Variants in LRRC4C observed in about 807,000 individuals in gnomAD.
The protein encoded by LRRC4C is leucine-rich repeat-containing protein 4C.
Under a neutral mutation model 33.6 loss-of-function variants are expected in LRRC4C, and 5 were observed. The ratio of observed to expected loss-of-function variants is 0.15; its 90% CI spans 0.08 to 0.31. The LOEUF is 0.31. Among genes scored for constraint, LRRC4C ranks in the 10% least tolerant of loss-of-function variants. The probability of loss-of-function intolerance (pLI) is 1.00; values close to 1 mark genes in which losing one functional copy is unlikely to be tolerated. For missense variants in LRRC4C, 560 were observed against 796.7 expected (o/e 0.70, Z 3.58); for synonymous variants, 329 against 302.0 (o/e 1.09, Z -0.93).
intron 2 of LRRC4C, among the ~76,000 whole-genome samples, chr11:40,917,000 T>G (rs1592086644): frequency 6.6e-6 from 1 of 152,248 alleles, no homozygotes; most frequent in African/African-American, 2.4e-5. Context: ...ATAATCATGG[T>G]TTATTTCATA....
At chr11:41,014,675 A>G (rs1034520563) in intron 1 of LRRC4C, among the ~76,000 whole-genome samples, 4 of 152,072 alleles carry the variant, frequency 2.6e-5, no homozygotes, top group East Asian at 3.9e-4. Flanking sequence ...ATCCTTGTTC[A>G]AAAAGGGCTG....
At chr11:40,163,849 T>C (rs1859367218) in intron 5 of LRRC4C, among the ~76,000 whole-genome samples, 1 of 152,220 alleles carries the variant, frequency 6.6e-6, no homozygotes, top group Non-Finnish European at 1.5e-5. Context: ...TAACTTGCTT[T>C]TTTTTGCTTT....
intron 2 of LRRC4C, among the ~76,000 whole-genome samples, chr11:40,806,187 C>A (rs1011768309): frequency 6.6e-6 from 1 of 152,124 alleles, no homozygotes; most frequent in Non-Finnish European, 1.5e-5. Flanking sequence ...AAATTTAGGC[C>A]ACTTGAAGGC....
At chr11:40,953,991 A>G (rs1326388059) in intron 1 of LRRC4C, among the ~76,000 whole-genome samples, 1 of 151,926 alleles carries the variant, frequency 6.6e-6, no homozygotes, top group Admixed American at 6.6e-5. Context: ...CCACACATAC[A>G]TAACTAGATG....
chr11:40,254,886 G>A (rs1867079167), intron 4 of LRRC4C, among the ~76,000 whole-genome samples: 1 of 152,142 alleles, frequency 6.6e-6, no homozygotes, highest in Non-Finnish European at 1.5e-5. Flanking sequence ...ATAGCTCACT[G>A]TAACCTAGAA....
At chr11:41,037,009 T>C (rs1857117806) in intron 1 of LRRC4C, among the ~76,000 whole-genome samples, 1 of 103,048 alleles carries the variant, frequency 9.7e-6, no homozygotes, top group Non-Finnish European at 2.2e-5. Context: ...GCAAATAACC[T>C]GGAGTGGTAC....
intron 3 of LRRC4C, among the ~76,000 whole-genome samples, chr11:40,632,961 C>A (rs996795753): frequency 6.6e-6 from 1 of 152,224 alleles, no homozygotes; most frequent in Admixed American, 6.5e-5. Flanking sequence ...CCAAACTCAG[C>A]TCCTTCTTCC....
rs781190462 is a variant in LRRC4C, at chr11:41,403,395, T to C, written c.-496+56036A>G. Reference sequence around the variant, plus strand: ...TGAAATTCAGATACCTACAGGTCTGTATATATAGACATATATGTTTATTTT... The same window carrying C: ...TGAAATTCAGATACCTACAGGTCTGCATATATAGACATATATGTTTATTTT... On this transcript the variant is annotated intron_variant, in intron 1 of 6. Transcript: ENST00000528697. Among the ~76,000 whole-genome samples the C allele has an allele frequency of 2.2e-4, 34 of 152,120 alleles. 1 individual carries two copies. The highest frequency in any genetic ancestry group is 3.4e-4 in the Non-Finnish European group (23 of 68,018).
At chr11:41,242,272 C>G (rs1261389091) in intron 1 of LRRC4C, among the ~76,000 whole-genome samples, 3 of 151,998 alleles carry the variant, frequency 2.0e-5, no homozygotes, top group Non-Finnish European at 2.9e-5. Flanking sequence ...CAGGGGACAA[C>G]CACGTTTTCA....
chr11:41,161,602 C>A (rs764754299), intron 1 of LRRC4C, among the ~76,000 whole-genome samples: 4 of 152,112 alleles, frequency 2.6e-5, no homozygotes, highest in Non-Finnish European at 5.9e-5. Context: ...TTAGGGTCAC[C>A]TATGAAAAAC....
chr11:41,431,419 T>A (rs1174536791), intron 1 of LRRC4C, among the ~76,000 whole-genome samples: 1 of 151,976 alleles, frequency 6.6e-6, no homozygotes, highest in Middle Eastern at 3.2e-3. Flanking sequence ...GAAGGAGCCA[T>A]ATTCTGAGCC....
At chr11:41,236,934 C>T (rs935355903) in intron 1 of LRRC4C, among the ~76,000 whole-genome samples, 3 of 152,166 alleles carry the variant, frequency 2.0e-5, no homozygotes, top group African/African-American at 4.8e-5. Context: ...TTGTAAAGTG[C>T]CTGAAAGGCA....
At chr11:41,417,578 G>T (rs1186917808) in intron 1 of LRRC4C, among the ~76,000 whole-genome samples, 3 of 151,938 alleles carry the variant, frequency 2.0e-5, no homozygotes, top group African/African-American at 7.2e-5. Flanking sequence ...ATGCAAATCT[G>T]CAGATCAGCA....
chr11:41,425,103 A>G (rs1787911743), intron 1 of LRRC4C, among the ~76,000 whole-genome samples: 1 of 152,080 alleles, frequency 6.6e-6, no homozygotes, highest in Non-Finnish European at 1.5e-5. Flanking sequence ...ATCAAAAGTT[A>G]ACTATTAAAT....
At chr11:41,163,301 T>TTTTTTTC (rs71063903) in intron 1 of LRRC4C, among the ~76,000 whole-genome samples, 1 of 140,594 alleles carries the variant, frequency 7.1e-6, no homozygotes, top group East Asian at 2.1e-4. Context: ...TTTTTTTTTT[T>TTTTTTTC]CAAACAGGGT....
chr11:40,930,685 T>C (rs1957582235), intron 2 of LRRC4C, among the ~76,000 whole-genome samples: 1 of 152,188 alleles, frequency 6.6e-6, no homozygotes, highest in South Asian at 2.1e-4. Flanking sequence ...TTTTAAAATA[T>C]CACTACTTTG....
At chr11:40,842,613 C>T (rs1485637262) in intron 2 of LRRC4C, among the ~76,000 whole-genome samples, 1 of 152,130 alleles carries the variant, frequency 6.6e-6, no homozygotes, top group East Asian at 1.9e-4. Context: ...ACTATGGTCA[C>T]TGTATTGTCA....
chr11:40,296,448 G>A (rs1203508254), intron 4 of LRRC4C, among the ~76,000 whole-genome samples: 2 of 152,052 alleles, frequency 1.3e-5, no homozygotes, highest in Admixed American at 1.3e-4. Context: ...CTTGGTAAAT[G>A]ACACAGCCAA....
At chr11:40,363,787 A>G (rs1238280320) in intron 3 of LRRC4C, among the ~76,000 whole-genome samples, 2 of 152,170 alleles carry the variant, frequency 1.3e-5, no homozygotes, top group African/African-American at 2.4e-5. Flanking sequence ...ACTGATGCCA[A>G]TTCTGGCTTT....
Sources: gnomAD v4.1 joint callset for allele counts (sites outside exome capture counted in the v4.1 genomes callset) on GRCh38, gnomAD v4.1.1 for gene constraint, MANE v1.5 for transcripts, NCBI Gene and HGNC (gene_info 2026-07-23, HGNC 2026-07-21) for gene names.